RREB1: variants seen among roughly 807,000 people sequenced by gnomAD.
RREB1 encodes ras responsive element binding protein 1.
In RREB1, 27 loss-of-function variants were observed where a neutral mutation model predicts 117.8. The ratio of observed to expected loss-of-function variants is 0.23; its 90% CI spans 0.17 to 0.32. The LOEUF is 0.32. Among genes scored for constraint, RREB1 ranks in the 10% least tolerant of loss-of-function variants. The pLI, the probability that RREB1 is intolerant of heterozygous loss-of-function variation, is 1.00. For synonymous variants in RREB1, 1,298 were observed against 1,026.7 expected, an observed-to-expected ratio of 1.26 and a Z score of -5.05; for missense variants, 2,577 against 2,378.2, an observed-to-expected ratio of 1.08 and a Z score of -1.74.
chr6:7,110,484 G>GTGTGTGTGTGTGTT (rs1761088852), intron 1 of RREB1, among the ~76,000 whole-genome samples: 1 of 151,966 alleles, frequency 6.6e-6, no homozygotes, highest in Non-Finnish European at 1.5e-5. Flanking sequence ...GGGGTGGTGT[G>GTGTGTGTGTGTGTT]TGTGTGTGTG....
Position 7,184,306 on chromosome 6 carries a change from A to G in RREB1, c.171+2224A>G, listed in dbSNP as rs533078435. 6.0e-5 allele frequency among the ~76,000 whole-genome samples: 9 copies of G among 151,242 alleles called. No homozygotes were observed. In the South Asian group the frequency reaches 1.9e-3, roughly 31 times the overall value. ...TTATTATTATTATGTTTTAAAATAG[A>G]GACAGGGTCTCTATTTCTCAACCAG... On this transcript the variant is annotated intron_variant, in intron 4 of 12. Transcript: ENST00000379938.
chr6:7,207,500 TTGTGA>T (rs1442464944), intron 6 of RREB1, among the ~76,000 whole-genome samples: 1 of 152,116 alleles, frequency 6.6e-6, no homozygotes, highest in African/African-American at 2.4e-5. Flanking sequence ...ATCGTGGGGA[TTGTGA>T]TTGACAACAA....
chr6:7,124,869 G>C (rs1457787009), intron 1 of RREB1, among the ~76,000 whole-genome samples: 2 of 152,210 alleles, frequency 1.3e-5, no homozygotes, highest in Non-Finnish European at 2.9e-5. Flanking sequence ...CAGCTAGCTA[G>C]TAGGGCTCAA....
Position 7,231,485 on chromosome 6 carries a change from C to T in RREB1, c.3386C>T (p.Pro1129Leu). ...ACCAGCCCAAAAGAGTCTAGTGAGCCTCCCGCTCCAGCCAGCAGCCCAGAG... is the reference window on the plus strand; with the variant it reads ...ACCAGCCCAAAAGAGTCTAGTGAGCTTCCCGCTCCAGCCAGCAGCCCAGAG... ...ATTSPKESSE[P>L]PAPASSPEAA... is the part of the protein sequence containing the mutation. The change falls in exon 10 of 13, where the codon CCT (proline) becomes CTT (leucine). Residue 1129 changes from proline to leucine, a missense_variant. Coordinates refer to ENST00000379938, the MANE Select transcript of RREB1 (RefSeq NM_001003699.4). 6.2e-7 allele frequency: 1 copy of T among 1,611,890 alleles called. No homozygotes were observed. Among genetic ancestry groups the T allele is most frequent in the Non-Finnish European group, 8.5e-7 (1 of 1,179,288 alleles).
At chr6:7,141,067 C>T (rs1377460295) in intron 1 of RREB1, among the ~76,000 whole-genome samples, 2 of 152,232 alleles carry the variant, frequency 1.3e-5, no homozygotes, top group African/African-American at 2.4e-5. Flanking sequence ...TCTGTCTGTG[C>T]CCTCCTCAGG....
rs553891744 is a variant in RREB1, at chr6:7,137,981, C to G, written c.-285+29921C>G. 2.0e-5 allele frequency among the ~76,000 whole-genome samples: 3 copies of G among 152,298 alleles called. No individual in the cohort carries two copies. The East Asian group carries it at 5.8e-4, about 29-fold the overall frequency. ...CCTTTTCAATAGCCCTCCTCACTCA[C>G]TTACGCCTAGTCAGGAAGATTAATA... On this transcript the variant is annotated intron_variant, in intron 1 of 12. Transcript: ENST00000379938.
intron 6 of RREB1, among the ~76,000 whole-genome samples, chr6:7,204,253 T>A (rs1413689414): frequency 6.6e-6 from 1 of 152,106 alleles, no homozygotes. Context: ...CTCTGTACTT[T>A]ACAGGTGGGG....
chr6:7,169,650 G>A (rs1043015296), intron 1 of RREB1, among the ~76,000 whole-genome samples: 1 of 152,134 alleles, frequency 6.6e-6, no homozygotes, highest in African/African-American at 2.4e-5. Flanking sequence ...GATCCTGGCA[G>A]GAAGACATGC....
At chr6:7,211,373 T>TGGAC (rs1766591566) in intron 7 of RREB1, among the ~76,000 whole-genome samples, 200 bp from the exon 8 acceptor site, 1 of 151,710 alleles carries the variant, frequency 6.6e-6, no homozygotes, top group Non-Finnish European at 1.5e-5. Context: ...GATGGATGGA[T>TGGAC]GGATGGATGG....
chr6:7,203,357 CA>C (rs1766092180), intron 6 of RREB1, among the ~76,000 whole-genome samples: 1 of 152,080 alleles, frequency 6.6e-6, no homozygotes, highest in African/African-American at 2.4e-5. Context: ...ATTCTATTTC[CA>C]AAAAGAAAAG....
rs1441534739 is a variant in RREB1, at chr6:7,247,079, G to A, written c.4629G>A (p.Lys1543=). 1 of 1,613,764 alleles carries A rather than the reference G, an allele frequency of 6.2e-7. No individual in the cohort carries two copies. Among genetic ancestry groups the A allele is most frequent in the Non-Finnish European group, 8.5e-7 (1 of 1,179,970 alleles). The part of the protein sequence containing the change: ...ESAAEKRSSE[K]SDDDKKPKTD... ...CGGCCGAGAAAAGGTCCTCAGAGAA[G>A]AGCGACGATGACAAGAAACCAAAGA... The change falls in exon 12 of 13, where the codon AAG becomes AAA. Residue 1543 remains lysine, a synonymous_variant. Coordinates refer to ENST00000379938, the MANE Select transcript of RREB1 (RefSeq NM_001003699.4).
intron 6 of RREB1, among the ~76,000 whole-genome samples, chr6:7,194,670 C>T (rs1388437549): frequency 1.3e-5 from 2 of 152,152 alleles, no homozygotes; most frequent in Non-Finnish European, 2.9e-5. Flanking sequence ...TTCTGCAGAA[C>T]TTTGTGGAAA....
chr6:7,202,003 C>G (rs553396125), intron 6 of RREB1, among the ~76,000 whole-genome samples: 1 of 152,276 alleles, frequency 6.6e-6, no homozygotes, highest in South Asian at 2.1e-4. Context: ...CAGAAGGGCT[C>G]TGTCGCCTGG....
At chr6:7,237,466 G>A (rs541291573) in intron 10 of RREB1, among the ~76,000 whole-genome samples, 23 of 151,848 alleles carry the variant, frequency 1.5e-4, no homozygotes, top group African/African-American at 4.8e-4. Context: ...GGGCTCAAGC[G>A]ATCCACCTCC....
Position 7,230,894 on chromosome 6 carries a change from T to A in RREB1, c.2795T>A (p.Met932Lys). 12 of 1,614,156 alleles carry A rather than the reference T, an allele frequency of 7.4e-6. No individual in the cohort carries two copies. Among genetic ancestry groups the A allele is most frequent in the Non-Finnish European group, 1.0e-5 (12 of 1,179,984 alleles). Residue 932 changes from methionine (M) to lysine (K), a missense_variant, in exon 10 of 13, where the codon ATG becomes AAG. Physicochemically the swap from Met to Lys is moderately conservative, Grantham distance 95 (BLOSUM62 -1). Transcript: ENST00000379938. ...TCCCTGGTCCCCTATGACTGCTCCA[T>A]GGAGCCCATCGACCTGTCCATCCCC... ...PSSLVPYDCS[M>K]EPIDLSIPKN...
chr6:7,202,212 G>A (rs370826170), intron 6 of RREB1, among the ~76,000 whole-genome samples: 22 of 152,230 alleles, frequency 1.4e-4, no homozygotes, highest in African/African-American at 4.3e-4. Flanking sequence ...CCTTGTGGGC[G>A]CATGGCCGAC....
chr6:7,251,387 A>G lies in RREB1; in HGVS notation c.*2419A>G, dbSNP rs1303553699. ...TTGCATGTCCAGCTAATTTGTTTCT[A>G]TACATTTTGTTTGATTCTCTTTCTC... On this transcript the variant is annotated 3_prime_UTR_variant, in exon 13 of 13. Coordinates refer to ENST00000379938, the MANE Select transcript of RREB1 (RefSeq NM_001003699.4). 3 of 151,508 alleles carry G rather than the reference A, an allele frequency of 2.0e-5. No homozygotes were observed. Among genetic ancestry groups the G allele is most frequent in the East Asian group, 1.9e-4 (1 of 5,194 alleles). 9.4% of individuals were successfully genotyped at this position (151,508 alleles called of 1,614,324 possible).
intron 1 of RREB1, among the ~76,000 whole-genome samples, chr6:7,149,637 A>G (rs999224684): frequency 3.3e-5 from 5 of 152,218 alleles, no homozygotes; most frequent in African/African-American, 7.2e-5. Context: ...GAATAATCCT[A>G]ACTTGGAAAA....
intron 1 of RREB1, among the ~76,000 whole-genome samples, chr6:7,147,854 GAAAAAAAAAA>G (rs78572202): frequency 7.2e-6 from 1 of 138,904 alleles, no homozygotes; most frequent in Non-Finnish European, 1.6e-5. Flanking sequence ...GTGAGTTCAG[GAAAAAAAAAA>G]AAAAGTTTGT....
Sources: allele counts gnomAD v4.1 joint callset (sites outside exome capture counted in the v4.1 genomes callset), GRCh38; gene constraint gnomAD v4.1.1; transcripts MANE v1.5; gene names NCBI Gene and HGNC (gene_info 2026-07-23, HGNC 2026-07-21).